Variants in FNIP1 observed in about 807,000 individuals in gnomAD.
FNIP1 encodes the protein folliculin-interacting protein 1.
In FNIP1, 40 loss-of-function variants were observed where a neutral mutation model predicts 124.5. The ratio of observed to expected loss-of-function variants is 0.32; its 90% CI spans 0.25 to 0.42. The LOEUF (loss-of-function observed/expected upper bound fraction) is 0.42. Ranked by LOEUF, FNIP1 falls within the 10% of genes least tolerant of loss-of-function variation. The probability of loss-of-function intolerance (pLI) is 1.00; values close to 1 mark genes in which losing one functional copy is unlikely to be tolerated. For synonymous variants in FNIP1, 472 were observed against 470.6 expected, an observed-to-expected ratio of 1.00 and a Z score of -0.04; for missense variants, 1,176 against 1,403.7, an observed-to-expected ratio of 0.84 and a Z score of 2.59.
intron 1 of FNIP1, among the ~76,000 whole-genome samples, chr5:131,784,224 T>C (rs1030309994): frequency 2.0e-5 from 3 of 152,104 alleles, no homozygotes; most frequent in Non-Finnish European, 4.4e-5. Context: ...ATAAATTGCT[T>C]TTAGAGGTTT....
At chr5:131,746,668 A>G (rs928680534) in intron 1 of FNIP1, among the ~76,000 whole-genome samples, 2 of 152,082 alleles carry the variant, frequency 1.3e-5, no homozygotes, top group Non-Finnish European at 2.9e-5. Context: ...TCTTTATCCA[A>G]TCCACCACTG....
intron 1 of FNIP1, among the ~76,000 whole-genome samples, chr5:131,775,791 G>A (rs1187802232): frequency 2.0e-5 from 3 of 152,108 alleles, no homozygotes; most frequent in African/African-American, 4.8e-5. Context: ...GCCTCCCAAA[G>A]TGCTGGGATT....
intron 11 of FNIP1, among the ~76,000 whole-genome samples, chr5:131,697,289 A>G (rs1300881231): frequency 6.6e-6 from 1 of 152,162 alleles, no homozygotes; most frequent in Non-Finnish European, 1.5e-5. Context: ...GTATACAAAT[A>G]CACATTTATT....
intron 15 of FNIP1, among the ~76,000 whole-genome samples, chr5:131,663,346 G>C (rs1296300097): frequency 6.6e-6 from 1 of 152,154 alleles, no homozygotes; most frequent in African/African-American, 2.4e-5. Context: ...TCAGTCAATG[G>C]AATTTTTTCT....
In FNIP1 at chr5:131,642,868, A is replaced by T. The variant is rs1257199510; in HGVS notation, c.*1817T>A. The T allele has an allele frequency of 1.1e-3, 12 of 10,626 alleles. No homozygotes were observed. In the South Asian group the frequency reaches 0.013, roughly 11 times the overall value. The allele number at this position is 10,626 out of a possible 1,614,324, so 0.7% of individuals were successfully genotyped here. On this transcript the variant is annotated 3_prime_UTR_variant, in exon 18 of 18. Coordinates refer to ENST00000510461, the MANE Select transcript of FNIP1 (RefSeq NM_133372.3). ...TGGGTAACAAGAGTGAAACTCCGTC[A>T]AAAAAAAAAAAAAAAAAAAAAAGGT...
At chr5:131,700,469 TTAAGA>T (rs959931089) in intron 10 of FNIP1, among the ~76,000 whole-genome samples, 1 of 152,134 alleles carries the variant, frequency 6.6e-6, no homozygotes, top group Non-Finnish European at 1.5e-5. Context: ...AAAAAAATAA[TTAAGA>T]TGTCAGCCTA....
At position 131,731,025 on chromosome 5, in the gene FNIP1, T is replaced by A. The variant is rs750547642; in HGVS notation, c.233A>T (p.Asp78Val). The A allele has an allele frequency of 6.2e-7, 1 of 1,612,114 alleles. No homozygotes were observed. The highest frequency in any genetic ancestry group is 8.5e-7 in the Non-Finnish European group (1 of 1,179,356). ...TTTCCCAAAGACTTTAACTTGAGCA[T>A]CACTGCCGAGTTTCTGAAATAACAG... ...EDISVSKLGS[D>V]AQVKVFGKCC... Residue 78 changes from aspartate to valine, a missense_variant, in exon 3 of 18, where the codon GAT (aspartate) becomes GTT (valine). Physicochemically the swap from Asp to Val is radical, Grantham distance 152 (BLOSUM62 -3). Around this residue, in one of 2 missense-constraint regions of FNIP1, gnomAD observed 1,109 missense variants for 1,288.5 expected, o/e 0.86. Coordinates refer to ENST00000510461, the MANE Select transcript of FNIP1 (RefSeq NM_133372.3).
intron 1 of FNIP1, among the ~76,000 whole-genome samples, chr5:131,767,141 GA>G (rs2149575341): frequency 6.6e-6 from 1 of 152,122 alleles, no homozygotes; most frequent in East Asian, 1.9e-4. Context: ...AGGCTTAAAA[GA>G]AATTTTCTTG....
intron 15 of FNIP1, among the ~76,000 whole-genome samples, chr5:131,653,002 A>G (rs555708169): frequency 6.6e-6 from 1 of 152,200 alleles, no homozygotes; most frequent in African/African-American, 2.4e-5. Flanking sequence ...AAGAAACAAG[A>G]CTTATTCACA....
chr5:131,644,050 AT>A lies in FNIP1; in HGVS notation c.*634del, dbSNP rs1462012433. ...GACAATACTAGTTGAAAATATATAT[AT>A]TTTTAAAGGCATGTTTACCAGTCTT... is the stretch of plus-strand genomic sequence containing the variant. On this transcript the variant is annotated 3_prime_UTR_variant, in exon 18 of 18. Coordinates refer to ENST00000510461, the MANE Select transcript of FNIP1 (RefSeq NM_133372.3). The A allele has an allele frequency of 6.6e-6, 1 of 152,270 alleles. No homozygotes were observed. The allele number at this position is 152,270 out of a possible 1,614,324, so 9.4% of individuals were successfully genotyped here.
chr5:131,728,259 T>A (rs1309140666), intron 3 of FNIP1, among the ~76,000 whole-genome samples: 1 of 152,218 alleles, frequency 6.6e-6, no homozygotes, highest in African/African-American at 2.4e-5. Context: ...GTGGATAATA[T>A]CCTTAAGAGT....
intron 3 of FNIP1, among the ~76,000 whole-genome samples, chr5:131,722,200 C>T (rs963220786): frequency 4.6e-5 from 7 of 152,106 alleles, no homozygotes; most frequent in Non-Finnish European, 1.0e-4. Context: ...ATGGAGATGT[C>T]ATATTATAAC....
Position 131,749,422 on chromosome 5 carries a change from T to C in FNIP1, c.93-4732A>G, listed in dbSNP as rs887764858. ...TTTTTTTTTTTTTTGAGATGCAGTCTCAGTCTATCGTCCAGGCTGAAGTGC... is the reference window on the plus strand; with the variant it reads ...TTTTTTTTTTTTTTGAGATGCAGTCCCAGTCTATCGTCCAGGCTGAAGTGC... On this transcript the variant is annotated intron_variant, in intron 1 of 17. Coordinates refer to ENST00000510461, the MANE Select transcript of FNIP1 (RefSeq NM_133372.3). Among the ~76,000 whole-genome samples the C allele has an allele frequency of 1.0e-3, 151 of 149,484 alleles. 1 individual carries two copies. The highest frequency in any genetic ancestry group is 3.5e-3 in the African/African-American group (144 of 40,632).
chr5:131,673,053 T>TG (rs935569138), intron 13 of FNIP1, 129 bp from the exon 14 acceptor site: 9 of 515,740 alleles, frequency 1.7e-5, no homozygotes, highest in African/African-American at 6.2e-5. Flanking sequence ...GTTTTTTTGT[T>TG]TTTTTTTTTT....
At chr5:131,725,951 T>A (rs893412823) in intron 3 of FNIP1, among the ~76,000 whole-genome samples, 1 of 152,216 alleles carries the variant, frequency 6.6e-6, no homozygotes, top group Admixed American at 6.5e-5. Context: ...TCTGAGATAA[T>A]CATGTGATTT....
chr5:131,678,785 C>T (rs1231149758), intron 12 of FNIP1, among the ~76,000 whole-genome samples: 1 of 152,100 alleles, frequency 6.6e-6, no homozygotes, highest in Non-Finnish European at 1.5e-5. Context: ...AATGGGCAGC[C>T]TCAGATAATT....
intron 1 of FNIP1, among the ~76,000 whole-genome samples, chr5:131,760,164 C>T (rs1771179783): frequency 6.6e-6 from 1 of 152,132 alleles, no homozygotes; most frequent in South Asian, 2.1e-4. Context: ...GGAATCCATA[C>T]CCCAGACCTA....
At chr5:131,656,337 A>G (rs1767191616) in intron 15 of FNIP1, among the ~76,000 whole-genome samples, 1 of 152,244 alleles carries the variant, frequency 6.6e-6, no homozygotes, top group Non-Finnish European at 1.5e-5. Flanking sequence ...CCATGAGGAC[A>G]GTTGTAAAAT....
intron 1 of FNIP1, among the ~76,000 whole-genome samples, chr5:131,786,552 T>C (rs865987410): frequency 1.3e-5 from 2 of 152,154 alleles, no homozygotes; most frequent in African/African-American, 2.4e-5. Context: ...AAAAGAGAAA[T>C]TGGGGGATTA....
Sources: allele counts gnomAD v4.1 joint callset (sites outside exome capture counted in the v4.1 genomes callset), GRCh38; gene constraint gnomAD v4.1.1; regional missense constraint gnomAD v4.1.1; transcripts MANE v1.5; gene names NCBI Gene and HGNC (gene_info 2026-07-23, HGNC 2026-07-21).